SLC25A24: variants seen among roughly 807,000 people sequenced by gnomAD.
SLC25A24 encodes solute carrier family 25 member 24.
SLC25A24 carries 49 observed loss-of-function variants against 60.7 expected under a neutral mutation model. The ratio of observed to expected loss-of-function variants is 0.81; its 90% CI spans 0.64 to 1.02. The LOEUF is 1.02. Among genes scored for constraint, SLC25A24 ranks in the 50% least tolerant of loss-of-function variants. The probability of loss-of-function intolerance (pLI) is 0.00; values close to 1 mark genes in which losing one functional copy is unlikely to be tolerated. For synonymous variants in SLC25A24, 202 were observed against 200.6 expected (o/e 1.01, Z -0.06); for missense variants, 564 against 586.3 (o/e 0.96, Z 0.39).
At chr1:108,168,701 T>C (rs1647323832) in intron 3 of SLC25A24, among the ~76,000 whole-genome samples, 1 of 152,240 alleles carries the variant, frequency 6.6e-6, no homozygotes, top group Admixed American at 6.5e-5. Context: ...CGGTTGTATG[T>C]CTTTTTCTTA....
At chr1:108,197,575 C>G (rs1169858403) in intron 1 of SLC25A24, among the ~76,000 whole-genome samples, 1 of 152,160 alleles carries the variant, frequency 6.6e-6, no homozygotes, top group Non-Finnish European at 1.5e-5. Flanking sequence ...CTAATTCTAT[C>G]CCATGTGTGA....
At chr1:108,147,511 G>C (rs999885900) in intron 7 of SLC25A24, among the ~76,000 whole-genome samples, 1 of 151,974 alleles carries the variant, frequency 6.6e-6, no homozygotes, top group African/African-American at 2.4e-5. Flanking sequence ...TTAGGGTGTC[G>C]ATTTTAGATC....
intron 4 of SLC25A24, among the ~76,000 whole-genome samples, chr1:108,160,823 G>A (rs576103278): frequency 3.9e-5 from 6 of 152,304 alleles, no homozygotes; most frequent in East Asian, 3.9e-4. Context: ...GGCGGTGCGC[G>A]CCTGCAATCG....
chr1:108,158,875 T>C (rs7537434), intron 4 of SLC25A24, among the ~76,000 whole-genome samples: 87,429 of 151,744 alleles, frequency 0.58, 25,395 homozygotes, highest in East Asian at 0.73. Flanking sequence ...CAGTGGTGGG[T>C]GCCTGTAGTC....
At chr1:108,141,427 A>C (rs891936930) in intron 8 of SLC25A24, among the ~76,000 whole-genome samples, 1 of 152,184 alleles carries the variant, frequency 6.6e-6, no homozygotes, top group African/African-American at 2.4e-5. Flanking sequence ...AAAAACAAAA[A>C]GGTCTAGTTA....
At chr1:108,157,378 T>A in intron 5 of SLC25A24, 84 bp downstream of exon 5, 1 of 1,433,914 alleles carries the variant, frequency 7.0e-7, no homozygotes. Flanking sequence ...CTGAGAAATT[T>A]TAAAACTTCT....
At chr1:108,199,529 G>GT (rs1176388590) in intron 1 of SLC25A24, 1 of 261,796 alleles carries the variant, frequency 3.8e-6, no homozygotes, top group Non-Finnish European at 7.2e-6. Context: ...CATAGCTGCT[G>GT]TAACAAAGCA....
chr1:108,175,923 TGAAATAA>T (rs925334469), intron 3 of SLC25A24, among the ~76,000 whole-genome samples: 8 of 152,176 alleles, frequency 5.3e-5, no homozygotes, highest in Admixed American at 4.6e-4. Context: ...CTGCAAAGAC[TGAAATAA>T]GTGCCTACTT....
intron 1 of SLC25A24, among the ~76,000 whole-genome samples, chr1:108,196,076 A>G (rs1648488327): frequency 6.6e-6 from 1 of 152,172 alleles, no homozygotes; most frequent in Non-Finnish European, 1.5e-5. Context: ...GAATTACTTA[A>G]TGGAGTGAAA....
chr1:108,154,953 T>C (rs749707615), intron 6 of SLC25A24, 30 bp downstream of exon 6: 3 of 1,549,160 alleles, frequency 1.9e-6, no homozygotes, highest in Admixed American at 1.9e-5. Context: ...CTCCTCTTTG[T>C]TAATAAATTC....
chr1:108,151,095 G>A (rs1217704349), intron 6 of SLC25A24, among the ~76,000 whole-genome samples: 1 of 152,034 alleles, frequency 6.6e-6, no homozygotes, highest in African/African-American at 2.4e-5. Context: ...TAACTACTCA[G>A]GAGGTTGAGG....
intron 3 of SLC25A24, among the ~76,000 whole-genome samples, chr1:108,178,768 C>T (rs1001655549): frequency 9.2e-5 from 14 of 151,664 alleles, no homozygotes; most frequent in African/African-American, 2.9e-4. Flanking sequence ...GAGCCAAGAT[C>T]GGGCCACAGC....
At chr1:108,140,296 T>C (rs938594767) in intron 8 of SLC25A24, among the ~76,000 whole-genome samples, 5 of 151,998 alleles carry the variant, frequency 3.3e-5, no homozygotes, top group Non-Finnish European at 7.4e-5. Context: ...AAATACTGTA[T>C]GGGCAAAACT....
intron 2 of SLC25A24, among the ~76,000 whole-genome samples, chr1:108,184,680 C>T (rs1014433559): frequency 1.3e-5 from 2 of 152,224 alleles, no homozygotes; most frequent in African/African-American, 4.8e-5. Context: ...TCAGTCATCC[C>T]CATTCATTTA....
In SLC25A24 at chr1:108,200,218, G is replaced by A; in HGVS notation, c.-80C>T. 2 of 1,327,482 alleles carry A rather than the reference G, an allele frequency of 1.5e-6. No individual in the cohort carries two copies. The highest frequency in any genetic ancestry group is 2.0e-6 in the Non-Finnish European group (2 of 1,022,752). 82.2% of individuals were successfully genotyped at this position (1,327,482 alleles called of 1,614,324 possible). On this transcript the variant is annotated 5_prime_UTR_variant, in exon 1 of 10. Coordinates refer to ENST00000565488, the MANE Select transcript of SLC25A24 (RefSeq NM_013386.5). Reference sequence around the variant, plus strand: ...CGGGGCGAGACCGGGACCAGCGCGAGGCCGGGCTGGGCGGGGCGCGCGGCG... The same window carrying A: ...CGGGGCGAGACCGGGACCAGCGCGAAGCCGGGCTGGGCGGGGCGCGCGGCG...
In SLC25A24 at chr1:108,136,071, A is replaced by G. The variant is rs969556244; in HGVS notation, c.*582T>C. On this transcript the variant is annotated 3_prime_UTR_variant, in exon 10 of 10. Coordinates refer to ENST00000565488, the MANE Select transcript of SLC25A24 (RefSeq NM_013386.5). ...TGGAAAAGTGCCCACTGAAATAAATATAATTTCATCACTTCCCTTCAGAAA... is the reference window on the plus strand; with the variant it reads ...TGGAAAAGTGCCCACTGAAATAAATGTAATTTCATCACTTCCCTTCAGAAA... 2 of 152,244 alleles carry G rather than the reference A, an allele frequency of 1.3e-5. No individual in the cohort carries two copies. Among genetic ancestry groups the G allele is most frequent in the African/African-American group, 4.8e-5 (2 of 41,466 alleles). 9.4% of individuals were successfully genotyped at this position (152,244 alleles called of 1,614,324 possible). A position where few individuals can be genotyped will look rare whatever the true frequency, so the allele number is the denominator to read the frequency against.
At chr1:108,185,796 T>A in intron 2 of SLC25A24, 32 bp downstream of exon 2, 1 of 1,539,066 alleles carries the variant, frequency 6.5e-7, no homozygotes, top group Non-Finnish European at 8.9e-7. Context: ...TGCTTCTTCA[T>A]AGCTGGTGAT....
chr1:108,161,629 A>AT (rs1048530346), intron 3 of SLC25A24, among the ~76,000 whole-genome samples: 2 of 152,170 alleles, frequency 1.3e-5, no homozygotes, highest in African/African-American at 4.8e-5. Context: ...TTCATTATCC[A>AT]TTTTTTTCAT....
chr1:108,164,672 T>A (rs1680192115), intron 3 of SLC25A24, among the ~76,000 whole-genome samples: 2 of 150,644 alleles, frequency 1.3e-5, no homozygotes, highest in Non-Finnish European at 3.0e-5. Context: ...GTCTATTTGA[T>A]TCTTCTCTCT....
Sources: allele counts gnomAD v4.1 joint callset (sites outside exome capture counted in the v4.1 genomes callset), GRCh38; gene constraint gnomAD v4.1.1; transcripts MANE v1.5; gene names NCBI Gene and HGNC (gene_info 2026-07-23, HGNC 2026-07-21).